SCD5: variants seen among roughly 807,000 people sequenced by gnomAD.
SCD5 encodes acyl-CoA-desaturase 4.
A neutral mutation model predicts 30.4 loss-of-function variants in SCD5; 20 were observed. That is an observed-to-expected ratio of 0.66 (90% confidence interval 0.46 to 0.96). The LOEUF is 0.96. SCD5 is among the 40% of genes least tolerant of loss of function. The pLI, the probability that SCD5 is intolerant of heterozygous loss-of-function variation, is 0.00. For missense variants in SCD5, 381 were observed against 443.3 expected, an observed-to-expected ratio of 0.86 and a Z score of 1.26; for synonymous variants, 173 against 176.4, an observed-to-expected ratio of 0.98 and a Z score of 0.16.
At chr4:82,717,421 G>A (rs1720251759) in intron 1 of SCD5, among the ~76,000 whole-genome samples, 2 of 151,752 alleles carry the variant, frequency 1.3e-5, no homozygotes, top group South Asian at 2.1e-4. Flanking sequence ...ATCACCATTA[G>A]GGAAAATTGA....
chr4:82,648,007 G>A (rs1386421337), intron 3 of SCD5, among the ~76,000 whole-genome samples: 12 of 152,192 alleles, frequency 7.9e-5, no homozygotes, highest in Non-Finnish European at 1.5e-4. Flanking sequence ...GGCAGGACTC[G>A]AGGCAAAAGC....
intron 1 of SCD5, among the ~76,000 whole-genome samples, chr4:82,763,534 T>C (rs911804954): frequency 6.6e-6 from 1 of 152,058 alleles, no homozygotes. Context: ...TAAGTTAAAA[T>C]TAGGTGTTAA....
At chr4:82,773,424 A>C (rs1721672356) in intron 1 of SCD5, among the ~76,000 whole-genome samples, 1 of 152,072 alleles carries the variant, frequency 6.6e-6, no homozygotes, top group Non-Finnish European at 1.5e-5. Context: ...CACATCAGTC[A>C]TTTCGCTACT....
At chr4:82,654,569 A>G (rs1251459625) in intron 3 of SCD5, among the ~76,000 whole-genome samples, 1 of 152,206 alleles carries the variant, frequency 6.6e-6, no homozygotes, top group Non-Finnish European at 1.5e-5. Context: ...AAAGGGGAGA[A>G]TGTGAACTTC....
intron 1 of SCD5, among the ~76,000 whole-genome samples, chr4:82,738,090 C>T (rs1720790832): frequency 6.6e-6 from 1 of 152,026 alleles, no homozygotes; most frequent in African/African-American, 2.4e-5. Flanking sequence ...ACACAAAATA[C>T]TTGATAAAAA....
intron 1 of SCD5, among the ~76,000 whole-genome samples, chr4:82,723,953 T>C (rs141181084): frequency 2.0e-5 from 3 of 152,344 alleles, no homozygotes; most frequent in Admixed American, 6.5e-5. Flanking sequence ...GGACAAGATA[T>C]TAGATTAGGT....
At chr4:82,774,217 GCAA>G (rs542389783) in intron 1 of SCD5, among the ~76,000 whole-genome samples, 141 of 151,922 alleles carry the variant, frequency 9.3e-4, no homozygotes, top group African/African-American at 3.1e-3. Context: ...CATCAACACT[GCAA>G]CAACAACGAA....
At chr4:82,794,844 G>A (rs1046720315) in intron 1 of SCD5, among the ~76,000 whole-genome samples, 19 of 151,894 alleles carry the variant, frequency 1.3e-4, no homozygotes, top group Admixed American at 1.2e-3. Context: ...GTAGAGATGG[G>A]GTTTCACCGT....
intron 1 of SCD5, among the ~76,000 whole-genome samples, chr4:82,712,277 T>TACATATAC (rs1720117966): frequency 6.1e-5 from 3 of 48,958 alleles, no homozygotes; most frequent in African/African-American, 1.1e-4. Context: ...TATATATATA[T>TACATATAC]ATATATATAT....
At position 82,692,956 on chromosome 4, in the gene SCD5, T is replaced by C. The variant is rs556423134; in HGVS notation, c.364-12044A>G. On this transcript the variant is annotated intron_variant, in intron 2 of 4. Coordinates refer to ENST00000319540, the MANE Select transcript of SCD5 (RefSeq NM_001037582.3). ...CGAGCCAGGGGGACCCAGGCAAGCC[T>C]TGAGGCTGGGGCTGGGGAAGCGAGG... Among the ~76,000 whole-genome samples, 343 of 152,194 alleles carry C rather than the reference T, an allele frequency of 2.3e-3. 2 individuals are homozygous for C. The highest frequency in any genetic ancestry group is 7.8e-3 in the African/African-American group (323 of 41,516).
intron 1 of SCD5, among the ~76,000 whole-genome samples, chr4:82,710,100 G>A (rs79842037): frequency 0.064 from 9,702 of 152,220 alleles, 331 homozygotes; most frequent in South Asian, 0.1. Context: ...TCTCCACCCT[G>A]GCTGTGCATT....
At chr4:82,640,409 C>A (rs962033285) in intron 3 of SCD5, among the ~76,000 whole-genome samples, 6 of 152,190 alleles carry the variant, frequency 3.9e-5, no homozygotes, top group Non-Finnish European at 8.8e-5. Flanking sequence ...AAATCACTGT[C>A]CTCATTCCAA....
At chr4:82,676,984 C>T (rs1474470668) in intron 3 of SCD5, among the ~76,000 whole-genome samples, 1 of 152,230 alleles carries the variant, frequency 6.6e-6, no homozygotes, top group Non-Finnish European at 1.5e-5. Flanking sequence ...TACCTTCTCT[C>T]TTCCATGAGA....
rs1475270777 is a variant in SCD5 at position 82,712,283 on chromosome 4, T to TAC, written c.233-6871_233-6870insGT. Reference sequence around the variant, plus strand: ...ATATATATATATATATATATATATATATATATATATATATTTTATTTTTAT... The same window carrying TAC: ...ATATATATATATATATATATATATATACATATATATATATATTTTATTTTTAT... On this transcript the variant is annotated intron_variant, in intron 1 of 4. Coordinates refer to ENST00000319540, the MANE Select transcript of SCD5 (RefSeq NM_001037582.3). 1.5e-3 allele frequency among the ~76,000 whole-genome samples: 71 copies of TAC among 48,278 alleles called. 1 individual carries two copies. The highest frequency in any genetic ancestry group is 1.9e-3 in the Non-Finnish European group (51 of 27,512). 31.7% of individuals were successfully genotyped at this position (48,278 alleles called of 152,430 possible).
intron 2 of SCD5, among the ~76,000 whole-genome samples, chr4:82,683,605 G>A (rs1728627596): frequency 6.6e-6 from 1 of 152,144 alleles, no homozygotes; most frequent in African/African-American, 2.4e-5. Context: ...TTGTTAAAAG[G>A]TTATATTGGC....
At chr4:82,757,774 T>C (rs1305980369) in intron 1 of SCD5, among the ~76,000 whole-genome samples, 1 of 152,208 alleles carries the variant, frequency 6.6e-6, no homozygotes, top group Admixed American at 6.5e-5. Flanking sequence ...CAAAATAACA[T>C]ATGGTCCTTA....
At chr4:82,694,179 G>A (rs1206957028) in intron 2 of SCD5, among the ~76,000 whole-genome samples, 1 of 152,178 alleles carries the variant, frequency 6.6e-6, no homozygotes, top group East Asian at 1.9e-4. Flanking sequence ...TCTGACTGGT[G>A]GGAACCACTG....
intron 1 of SCD5, among the ~76,000 whole-genome samples, chr4:82,793,875 A>C (rs1333648013): frequency 6.6e-6 from 1 of 152,120 alleles, no homozygotes; most frequent in African/African-American, 2.4e-5. Context: ...TACTCTAGAA[A>C]ACCTTGGGGC....
intron 1 of SCD5, among the ~76,000 whole-genome samples, chr4:82,710,530 G>A (rs1287022430): frequency 1.3e-5 from 2 of 152,146 alleles, no homozygotes; most frequent in Admixed American, 6.5e-5. Flanking sequence ...GTGGCTCAGG[G>A]TGTGCAGTGG....
Sources: gnomAD v4.1 joint callset for allele counts (sites outside exome capture counted in the v4.1 genomes callset) on GRCh38, gnomAD v4.1.1 for gene constraint, MANE v1.5 for transcripts, NCBI Gene and HGNC (gene_info 2026-07-23, HGNC 2026-07-21) for gene names.